MTCL1: variants seen among roughly 807,000 people sequenced by gnomAD.
MTCL1 encodes the protein microtubule crosslinking factor 1.
MTCL1 carries 79 observed loss-of-function variants against 141.4 expected under a neutral mutation model. The observed-to-expected ratio is 0.56, with a 90% CI of 0.47 to 0.67. The LOEUF (loss-of-function observed/expected upper bound fraction) is 0.67. Among genes scored for constraint, MTCL1 ranks in the 30% least tolerant of loss-of-function variants. MTCL1 has a pLI of 0.00. For missense variants in MTCL1, 2,177 were observed against 2,113.9 expected, an observed-to-expected ratio of 1.03 and a Z score of -0.59; for synonymous variants, 914 against 875.8, an observed-to-expected ratio of 1.04 and a Z score of -0.77.
chr18:8,775,448 C>T (rs948215472), intron 4 of MTCL1, among the ~76,000 whole-genome samples: 1 of 151,138 alleles, frequency 6.6e-6, no homozygotes, highest in African/African-American at 2.4e-5. Flanking sequence ...TGGTGCACAC[C>T]TGTAATCCCA....
At chr18:8,811,530 TAC>T (rs201196329) in intron 11 of MTCL1, among the ~76,000 whole-genome samples, 8,008 of 151,262 alleles carry the variant, frequency 0.053, 478 homozygotes, top group African/African-American at 0.13. Flanking sequence ...TATATATATA[TAC>T]ATATATATAT....
intron 4 of MTCL1, among the ~76,000 whole-genome samples, chr18:8,738,469 C>T (rs955990023): frequency 6.6e-6 from 1 of 152,122 alleles, no homozygotes; most frequent in African/African-American, 2.4e-5. Flanking sequence ...GGTGCTCTTT[C>T]ATATTTTGAG....
rs617159 is a variant in MTCL1 at position 8,810,602 on chromosome 18, G to C, written c.2605-2377G>C. On this transcript the variant is annotated intron_variant, in intron 11 of 16. Coordinates refer to ENST00000359865, the Ensembl canonical transcript of MTCL1. This position sits in a 1 kb window ranked among gnomAD's most constrained non-coding sequence, Gnocchi z 5.0. ...AGCATCTACAGGTGAACAGACGTAC[G>C]TGCGAGGGGCTCAGCAGCCTGTCTT... Among the ~76,000 whole-genome samples the C allele has an allele frequency of 0.68, 102,702 of 152,030 alleles. 34,948 individuals carry two copies. The highest frequency in any genetic ancestry group is 0.79 in the East Asian group (4,060 of 5,160).
intron 11 of MTCL1, chr18:8,809,618 A>C: frequency 6.5e-7 from 1 of 1,530,362 alleles, no homozygotes. Flanking sequence ...TGGAGGGCAC[A>C]CACCTGAAAA....
chr18:8,761,960 G>A (rs776089542), intron 4 of MTCL1, among the ~76,000 whole-genome samples: 5 of 152,142 alleles, frequency 3.3e-5, no homozygotes, highest in Non-Finnish European at 7.4e-5. Context: ...ATTTTGTCTG[G>A]TTTATTTCAC....
intron 16 of MTCL1, chr18:8,829,180 G>C: frequency 3.0e-6 from 3 of 985,460 alleles, no homozygotes; most frequent in Non-Finnish European, 2.4e-6. Flanking sequence ...ATGCAAAGAA[G>C]GGTTTTTAGG....
chr18:8,722,719 T>C (rs1198880027), intron 4 of MTCL1, among the ~76,000 whole-genome samples: 1 of 152,080 alleles, frequency 6.6e-6, no homozygotes, highest in Non-Finnish European at 1.5e-5. Flanking sequence ...AGGGGTGGCA[T>C]AGGTGGAAGA....
intron 14 of MTCL1, among the ~76,000 whole-genome samples, chr18:8,823,837 A>G (rs886344383): frequency 2.0e-5 from 3 of 152,270 alleles, no homozygotes; most frequent in East Asian, 1.9e-4. Context: ...GCAGACCCCA[A>G]TTCTGGCCTC....
chr18:8,715,013 G>A (rs1461442344), upstream of MTCL1, among the ~76,000 whole-genome samples: 1 of 152,070 alleles, frequency 6.6e-6, no homozygotes, highest in Non-Finnish European at 1.5e-5. Flanking sequence ...AGCCAGGATG[G>A]TCTTGATCTC....
chr18:8,818,997 G>A lies in MTCL1; in HGVS notation c.2894G>A (p.Ser965Asn), dbSNP rs769143239. ...GAGAACAGTCCCCGGAGAGGTGGCA[G>A]TTTCCTCTGTGATCAAAAAGACGGC... The change falls in exon 13 of 17, where the codon AGT becomes AAT. Residue 965 changes from serine to asparagine, a missense_variant. Ser to Asn is a conservative substitution (Grantham distance 46). Transcript: ENST00000359865. The A allele has an allele frequency of 9.3e-6, 15 of 1,614,030 alleles. No homozygotes were observed. In the South Asian group the frequency reaches 1.4e-4, roughly 15 times the overall value.
At chr18:8,806,142 CA>C (rs2076289357) in intron 10 of MTCL1, among the ~76,000 whole-genome samples, 2 of 152,150 alleles carry the variant, frequency 1.3e-5, no homozygotes. Context: ...TTCCAAGAGG[CA>C]GAAAAGTGGG....
upstream of MTCL1, chr18:8,717,326 G>C (rs532623789): frequency 2.0e-5 from 3 of 152,234 alleles, no homozygotes; most frequent in African/African-American, 4.8e-5. Flanking sequence ...TTTGCATGAC[G>C]TCAGATTATG....
chr18:8,816,265 G>T (rs1296302324), intron 12 of MTCL1, among the ~76,000 whole-genome samples: 1 of 152,174 alleles, frequency 6.6e-6, no homozygotes, highest in Non-Finnish European at 1.5e-5. Context: ...TGACTACTTG[G>T]TAAGCCATAT....
intron 12 of MTCL1, among the ~76,000 whole-genome samples, chr18:8,815,871 GA>G (rs2076639594): frequency 6.6e-6 from 1 of 152,152 alleles, no homozygotes; most frequent in African/African-American, 2.4e-5. Flanking sequence ...ATCTGTTCAT[GA>G]AATCTGTGTG....
At position 8,793,239 on chromosome 18, in the gene MTCL1, G is replaced by A. The variant is rs1006265706; in HGVS notation, c.2010+119G>A. The A allele has an allele frequency of 1.8e-5, 24 of 1,369,000 alleles. No individual in the cohort carries two copies. In the East Asian group the frequency reaches 2.2e-4, roughly 13 times the overall value. 84.8% of individuals were successfully genotyped at this position (1,369,000 alleles called of 1,614,324 possible). A position where few individuals can be genotyped will look rare whatever the true frequency, so the allele number is the denominator to read the frequency against. On this transcript the variant is annotated intron_variant, in intron 8 of 16. Coordinates refer to ENST00000359865, the Ensembl canonical transcript of MTCL1. Reference sequence around the variant, plus strand: ...GTTGCGTACAGGCTGCTAGACTCCTGGGCACGTATGGAAAGGTCACCCAGT... The same window carrying A: ...GTTGCGTACAGGCTGCTAGACTCCTAGGCACGTATGGAAAGGTCACCCAGT...
intron 4 of MTCL1, 78 bp downstream of exon 3, chr18:8,720,574 T>C (rs1598385713): frequency 2.1e-6 from 3 of 1,433,844 alleles, no homozygotes; most frequent in Non-Finnish European, 1.9e-6. Context: ...CCCCTTCTCA[T>C]TGTGGTCGAA....
At chr18:8,784,098 G>A in exon 6 of MTCL1, 1 of 1,613,402 alleles carries the variant, frequency 6.2e-7, no homozygotes, top group South Asian at 1.1e-5. Flanking sequence ...CCTGGTGCCG[G>A]GGGTGGGGCC....
chr18:8,809,539 G>C, intron 11 of MTCL1: 2 of 1,536,236 alleles, frequency 1.3e-6, no homozygotes, highest in Non-Finnish European at 1.7e-6. Context: ...ACGTTGAAGA[G>C]CCTTGGGTTG....
chr18:8,813,108 C>T (rs1483816850), exon 12 of MTCL1: 3 of 1,614,206 alleles, frequency 1.9e-6, no homozygotes, highest in Non-Finnish European at 1.7e-6. Flanking sequence ...CATGGACCTG[C>T]GCTGGCAGAT....
Sources: gnomAD v4.1 joint callset for allele counts (sites outside exome capture counted in the v4.1 genomes callset) on GRCh38, gnomAD v4.1.1 for gene constraint, Gnocchi (gnomAD v3.1) non-coding constraint, MANE v1.5 for transcripts, NCBI Gene and HGNC (gene_info 2026-07-23, HGNC 2026-07-21) for gene names.